Variants in KIF1B observed in about 807,000 individuals in gnomAD.
KIF1B encodes the protein kinesin-like protein KIF1B.
A neutral mutation model predicts 241.9 loss-of-function variants in KIF1B; 76 were observed. The observed-to-expected ratio is 0.31, with a 90% CI of 0.26 to 0.38. The LOEUF (loss-of-function observed/expected upper bound fraction) is 0.38. KIF1B is among the 10% of genes least tolerant of loss of function. The probability of loss-of-function intolerance (pLI) is 1.00; values close to 1 mark genes in which losing one functional copy is unlikely to be tolerated. For missense variants in KIF1B, 1,622 were observed against 2,271.4 expected (o/e 0.71, Z 5.81); for synonymous variants, 750 against 796.7 (o/e 0.94, Z 0.99).
At position 10,379,939 on chromosome 1, in the gene KIF1B, G is replaced by C. The variant is rs567769024; in HGVS notation, c.*3352G>C. ...CCTGAGCCCCAGCTCGTTGTTAAAC[G>C]TGCTGACGGCAAGGGGCAATGGAGT... is the stretch of plus-strand genomic sequence containing the variant. On this transcript the variant is annotated 3_prime_UTR_variant, in exon 49 of 49. Transcript: ENST00000676179. 212 of 229,542 alleles carry C rather than the reference G, an allele frequency of 9.2e-4. 2 individuals are homozygous for C. Among genetic ancestry groups the C allele is most frequent in the African/African-American group, 4.4e-3 (198 of 45,188 alleles). 14.2% of individuals were successfully genotyped at this position (229,542 alleles called of 1,614,324 possible). A position where few individuals can be genotyped will look rare whatever the true frequency, so the allele number is the denominator to read the frequency against.
In KIF1B at chr1:10,332,181, C is replaced by T. The variant is rs184779973; in HGVS notation, c.2925-2339C>T. 1.3e-4 allele frequency among the ~76,000 whole-genome samples: 19 copies of T among 151,954 alleles called. No homozygotes were observed. In the East Asian group the frequency reaches 3.1e-3, roughly 25 times the overall value. On this transcript the variant is annotated intron_variant, in intron 27 of 48. Transcript: ENST00000676179. ...CTGGGTTCAAGCGATTCTCCTGCCT[C>T]GGCGCCCCCGAGTAGCTGGGATTAT...
intron 22 of KIF1B, chr1:10,304,248 C>T (rs758501973): frequency 3.1e-6 from 5 of 1,614,062 alleles, no homozygotes; most frequent in Non-Finnish European, 4.2e-6. Flanking sequence ...TTCCATGGGG[C>T]TCTCAAGGAA....
chr1:10,269,329 A>G (rs1648651337), intron 7 of KIF1B, among the ~76,000 whole-genome samples: 1 of 152,048 alleles, frequency 6.6e-6, no homozygotes, highest in Non-Finnish European at 1.5e-5. Context: ...CCTGGCCAGC[A>G]TGGTGAAACC....
At chr1:10,372,735 T>A (rs1638779680) in intron 45 of KIF1B, among the ~76,000 whole-genome samples, 1 of 145,956 alleles carries the variant, frequency 6.9e-6, no homozygotes, top group Non-Finnish European at 1.5e-5. Context: ...GTTCACGCCA[T>A]TCTCCTGCTT....
intron 15 of KIF1B, among the ~76,000 whole-genome samples, chr1:10,285,804 G>C (rs987371001): frequency 6.6e-6 from 1 of 152,190 alleles, no homozygotes; most frequent in African/African-American, 2.4e-5. Context: ...AGAAATGCTT[G>C]AGAATATCTA....
At chr1:10,314,327 G>T (rs1427890095) in intron 22 of KIF1B, among the ~76,000 whole-genome samples, 1 of 151,572 alleles carries the variant, frequency 6.6e-6, no homozygotes, top group African/African-American at 2.4e-5. Flanking sequence ...CTCGTAAGTA[G>T]CCTGGTTTGG....
chr1:10,245,876 A>G (rs920523536), intron 2 of KIF1B, among the ~76,000 whole-genome samples: 5 of 152,090 alleles, frequency 3.3e-5, no homozygotes, highest in African/African-American at 9.7e-5. Flanking sequence ...GGCTCTTAGT[A>G]CCCCATACTC....
intron 1 of KIF1B, among the ~76,000 whole-genome samples, chr1:10,226,605 T>C (rs182855741): frequency 1.3e-5 from 2 of 152,296 alleles, no homozygotes; most frequent in African/African-American, 4.8e-5. Context: ...TCTTGTTCTG[T>C]CATCCCCTAA....
chr1:10,324,666 T>G, intron 25 of KIF1B, 92 bp from the exon 26 acceptor site: 2 of 1,445,548 alleles, frequency 1.4e-6, no homozygotes, highest in Non-Finnish European at 1.9e-6. Flanking sequence ...TTTTTTTTTT[T>G]GAAGAAAATC....
chr1:10,320,589 A>G (rs987578585), intron 23 of KIF1B, among the ~76,000 whole-genome samples: 4 of 152,194 alleles, frequency 2.6e-5, no homozygotes, highest in Admixed American at 6.5e-5. Context: ...TAGGGCTTTC[A>G]TTATTACTTA....
At chr1:10,224,905 G>A (rs1646891249) in intron 1 of KIF1B, among the ~76,000 whole-genome samples, 1 of 152,192 alleles carries the variant, frequency 6.6e-6, no homozygotes, top group Admixed American at 6.5e-5. Flanking sequence ...TCCACAGACA[G>A]GGTTGGGGTG....
intron 27 of KIF1B, among the ~76,000 whole-genome samples, chr1:10,330,525 A>ATAAAT (rs59135803): frequency 0.36 from 53,960 of 151,432 alleles, 9,688 homozygotes; most frequent in Admixed American, 0.39. Flanking sequence ...TATTTTTAAG[A>ATAAAT]TAGATATAGT....
intron 2 of KIF1B, among the ~76,000 whole-genome samples, chr1:10,234,093 G>C (rs781514992): frequency 3.3e-5 from 5 of 152,120 alleles, no homozygotes; most frequent in Non-Finnish European, 1.5e-5. Context: ...GGAATAGGCC[G>C]AGTGGCTCTG....
rs1638837982 is a variant in KIF1B at position 10,374,779 on chromosome 1, G to A, written c.5097-75G>A. 3.6e-6 allele frequency: 5 copies of A among 1,383,386 alleles called. No homozygotes were observed. In the South Asian group the frequency reaches 5.9e-5, roughly 16 times the overall value. The allele number at this position is 1,383,386 out of a possible 1,614,324, so 85.7% of individuals were successfully genotyped here. A position where few individuals can be genotyped will look rare whatever the true frequency, so the allele number is the denominator to read the frequency against. The stretch of plus-strand genomic sequence containing the variant: ...AATCTAAGGACTTGGCCTAAGTGTG[G>A]CGTATTTTGATGGTCCTCAGCACGA... On this transcript the variant is annotated intron_variant, in intron 46 of 48. Transcript: ENST00000676179. This position sits in a 1 kb window ranked among gnomAD's most constrained non-coding sequence, Gnocchi z 4.3.
chr1:10,271,713 A>G, intron 8 of KIF1B, 134 bp downstream of exon 8: 1 of 731,484 alleles, frequency 1.4e-6, no homozygotes, highest in Non-Finnish European at 2.5e-6. Context: ...CTACAATGGC[A>G]GTGTTGTGAC....
At chr1:10,276,108 A>G (rs1042527324) in intron 11 of KIF1B, among the ~76,000 whole-genome samples, 1 of 151,968 alleles carries the variant, frequency 6.6e-6, no homozygotes, top group Admixed American at 6.6e-5. Context: ...GGGTTTTGCC[A>G]TGTTGGCCAG....
intron 8 of KIF1B, 38 bp from the exon 9 acceptor site, chr1:10,272,203 A>C: frequency 6.0e-5 from 66 of 1,103,620 alleles, no homozygotes; most frequent in African/African-American, 7.7e-5. Context: ...AGTAGTAGAA[A>C]TTCTTCATCA....
At chr1:10,324,115 C>A in intron 25 of KIF1B, 53 bp downstream of exon 25, 1 of 1,386,658 alleles carries the variant, frequency 7.2e-7, no homozygotes, top group Middle Eastern at 1.8e-4. Flanking sequence ...TAACAATGAC[C>A]TGCTCAAGTG....
chr1:10,286,050 T>C (rs1292558688), intron 15 of KIF1B, among the ~76,000 whole-genome samples: 2 of 152,150 alleles, frequency 1.3e-5, no homozygotes, highest in Non-Finnish European at 2.9e-5. Flanking sequence ...AAGATGTTTT[T>C]TTTTTTTGAG....
Sources: allele counts gnomAD v4.1 joint callset (sites outside exome capture counted in the v4.1 genomes callset), GRCh38; gene constraint gnomAD v4.1.1; non-coding constraint Gnocchi (gnomAD v3.1); transcripts MANE v1.5; gene names NCBI Gene and HGNC (gene_info 2026-07-23, HGNC 2026-07-21).